DNAJC1: variants seen among roughly 807,000 people sequenced by gnomAD.
DNAJC1 encodes the protein dnaJ homolog subfamily C member 1.
Under a neutral mutation model 76.6 loss-of-function variants are expected in DNAJC1, and 58 were observed. That is an observed-to-expected ratio of 0.76 (90% CI 0.61 to 0.94). The LOEUF is 0.94. DNAJC1 is among the 40% of genes least tolerant of loss of function. The probability of loss-of-function intolerance (pLI) is 0.00; values close to 1 mark genes in which losing one functional copy is unlikely to be tolerated. For synonymous variants in DNAJC1, 258 were observed against 267.9 expected, an observed-to-expected ratio of 0.96 and a Z score of 0.36; for missense variants, 689 against 677.3, an observed-to-expected ratio of 1.02 and a Z score of -0.19.
chr10:21,777,570 C>T (rs1589976228), intron 9 of DNAJC1, among the ~76,000 whole-genome samples: 1 of 152,240 alleles, frequency 6.6e-6, no homozygotes, highest in East Asian at 1.9e-4. Flanking sequence ...TCCTTTAGCC[C>T]AGCACCTCAG....
At chr10:21,859,974 G>A (rs1835895745) in intron 8 of DNAJC1, among the ~76,000 whole-genome samples, 1 of 151,822 alleles carries the variant, frequency 6.6e-6, no homozygotes, top group Non-Finnish European at 1.5e-5. Flanking sequence ...AGTAGAGATG[G>A]GGTTTCGCAA....
chr10:21,834,884 G>A (rs1219922722), intron 8 of DNAJC1, among the ~76,000 whole-genome samples: 1 of 152,208 alleles, frequency 6.6e-6, no homozygotes, highest in African/African-American at 2.4e-5. Flanking sequence ...TACCTCTGTA[G>A]GCTCCACCTC....
intron 8 of DNAJC1, among the ~76,000 whole-genome samples, chr10:21,875,408 A>G (rs889249874): frequency 2.0e-5 from 3 of 152,200 alleles, no homozygotes; most frequent in African/African-American, 7.2e-5. Flanking sequence ...CTCCCACCTC[A>G]GCCTCCTGAA....
chr10:21,839,759 G>A (rs1216848635), intron 8 of DNAJC1, among the ~76,000 whole-genome samples: 1 of 152,128 alleles, frequency 6.6e-6, no homozygotes, highest in African/African-American at 2.4e-5. Flanking sequence ...TATGAGGCCA[G>A]CATCATCCTG....
At chr10:21,766,836 G>A (rs529614670) in intron 9 of DNAJC1, among the ~76,000 whole-genome samples, 54 of 152,088 alleles carry the variant, frequency 3.6e-4, no homozygotes, top group Non-Finnish European at 6.5e-4. Flanking sequence ...TGGGCAAGGC[G>A]GTGGTTGCCT....
chr10:21,759,714 T>A, intron 10 of DNAJC1, 96 bp from the exon 11 acceptor site: 1 of 1,162,534 alleles, frequency 8.6e-7, no homozygotes, highest in Non-Finnish European at 1.2e-6. Context: ...GGCAGCGCAC[T>A]AGGCATTTTG....
At chr10:21,955,397 TAC>T in intron 1 of DNAJC1, among the ~76,000 whole-genome samples, 1 of 152,186 alleles carries the variant, frequency 6.6e-6, no homozygotes, top group Non-Finnish European at 1.5e-5. Context: ...ATAATGGAGA[TAC>T]AGTGTATACA....
intron 8 of DNAJC1, among the ~76,000 whole-genome samples, chr10:21,822,458 T>C (rs1323951867): frequency 9.4e-5 from 5 of 52,960 alleles, no homozygotes; most frequent in East Asian, 1.0e-3. Context: ...AATAAATAAA[T>C]AAATGAATAA....
At chr10:21,803,973 C>A (rs944743647) in intron 9 of DNAJC1, 2 of 984,482 alleles carry the variant, frequency 2.0e-6, no homozygotes, top group Admixed American at 1.2e-4. Context: ...AATCATTCTG[C>A]CTTGGGTAAG....
chr10:21,841,184 T>G (rs940816447), intron 8 of DNAJC1, among the ~76,000 whole-genome samples: 4 of 152,186 alleles, frequency 2.6e-5, no homozygotes, highest in African/African-American at 4.8e-5. Flanking sequence ...ATTCAGGACA[T>G]AGGCATGGGC....
rs933901841 is a variant in DNAJC1 at position 21,782,452 on chromosome 10, T to C, written c.1099-16143A>G. The stretch of plus-strand genomic sequence containing the variant: ...ACCAGATGGATTCACAGCCGAATTC[T>C]ACCAGAGGTACAAGGAGGAGCTGGT... On this transcript the variant is annotated intron_variant, in intron 9 of 11. Coordinates refer to ENST00000376980, the MANE Select transcript of DNAJC1 (RefSeq NM_022365.4). Among the ~76,000 whole-genome samples, 3 of 152,178 alleles carry C rather than the reference T, an allele frequency of 2.0e-5. No individual in the cohort carries two copies. The East Asian group carries it at 5.8e-4, about 29-fold the overall frequency.
chr10:21,901,301 A>G (rs1836648612), intron 7 of DNAJC1, among the ~76,000 whole-genome samples: 1 of 152,180 alleles, frequency 6.6e-6, no homozygotes, highest in Admixed American at 6.6e-5. Flanking sequence ...GTCTATTCAA[A>G]TTGTGACCTT....
intron 9 of DNAJC1, among the ~76,000 whole-genome samples, chr10:21,786,889 A>G (rs1050655410): frequency 6.6e-6 from 1 of 152,190 alleles, no homozygotes; most frequent in Non-Finnish European, 1.5e-5. Flanking sequence ...CTACTCATTG[A>G]GCTGTTTTAC....
intron 8 of DNAJC1, among the ~76,000 whole-genome samples, chr10:21,837,282 C>A (rs1210087836): frequency 6.6e-6 from 1 of 152,224 alleles, no homozygotes; most frequent in African/African-American, 2.4e-5. Flanking sequence ...TCCCAGCCGC[C>A]TGCCTTGGCC....
chr10:21,995,488 G>A (rs1411783829), intron 1 of DNAJC1, among the ~76,000 whole-genome samples: 2 of 152,134 alleles, frequency 1.3e-5, no homozygotes, highest in African/African-American at 4.8e-5. Flanking sequence ...GCTCTTAGTG[G>A]CATCTTAACG....
intron 8 of DNAJC1, among the ~76,000 whole-genome samples, chr10:21,810,132 T>G (rs1035390656): frequency 2.6e-5 from 4 of 152,140 alleles, no homozygotes; most frequent in Non-Finnish European, 4.4e-5. Flanking sequence ...ACATGTGAAT[T>G]TGGGGGCACA....
At chr10:21,850,801 TGTG>T (rs1294232925) in intron 8 of DNAJC1, among the ~76,000 whole-genome samples, 3 of 152,120 alleles carry the variant, frequency 2.0e-5, no homozygotes, top group Non-Finnish European at 4.4e-5. Context: ...ATCAAAATAT[TGTG>T]GTACTGGCAT....
At chr10:21,872,947 C>T (rs955939830) in intron 8 of DNAJC1, among the ~76,000 whole-genome samples, 2 of 152,190 alleles carry the variant, frequency 1.3e-5, no homozygotes, top group African/African-American at 2.4e-5. Context: ...GCAGACAGCC[C>T]GGCGCCGTGC....
At chr10:21,949,128 A>C (rs926852315) in intron 1 of DNAJC1, among the ~76,000 whole-genome samples, 6 of 152,198 alleles carry the variant, frequency 3.9e-5, no homozygotes, top group African/African-American at 7.2e-5. Flanking sequence ...ACAGGAAAAA[A>C]AGTAAGATTC....
Sources: allele counts gnomAD v4.1 joint callset (sites outside exome capture counted in the v4.1 genomes callset), GRCh38; gene constraint gnomAD v4.1.1; transcripts MANE v1.5; gene names NCBI Gene and HGNC (gene_info 2026-07-23, HGNC 2026-07-21).